CACNA2D1: variants seen among roughly 807,000 people sequenced by gnomAD.
CACNA2D1 encodes the protein voltage-dependent calcium channel subunit alpha-2/delta-1.
A neutral mutation model predicts 171.5 loss-of-function variants in CACNA2D1; 53 were observed. The ratio of observed to expected loss-of-function variants is 0.31; its 90% confidence interval spans 0.25 to 0.39. The LOEUF (loss-of-function observed/expected upper bound fraction) is 0.39, where lower values mean the gene tolerates loss of function less well. CACNA2D1 is among the 10% of genes least tolerant of loss of function. CACNA2D1 has a pLI of 1.00. For missense variants in CACNA2D1, 903 were observed against 1,299.8 expected, an observed-to-expected ratio of 0.69 and a Z score of 4.69; for synonymous variants, 442 against 443.1, an observed-to-expected ratio of 1.00 and a Z score of 0.03.
intron 1 of CACNA2D1, among the ~76,000 whole-genome samples, chr7:82,415,126 G>C (rs918688496): frequency 6.6e-6 from 1 of 152,156 alleles, no homozygotes; most frequent in Non-Finnish European, 1.5e-5. Context: ...ACCTGGAGCA[G>C]ATCCCCTGTG....
At chr7:82,206,848 A>G (rs1357273161) in intron 3 of CACNA2D1, among the ~76,000 whole-genome samples, 1 of 152,188 alleles carries the variant, frequency 6.6e-6, no homozygotes, top group Non-Finnish European at 1.5e-5. Context: ...ACAATAATGA[A>G]ACTTATGTAT....
At chr7:82,132,418 A>C (rs549494174) in intron 5 of CACNA2D1, among the ~76,000 whole-genome samples, 2 of 152,296 alleles carry the variant, frequency 1.3e-5, no homozygotes, top group African/African-American at 4.8e-5. Context: ...GGTTGGGAGG[A>C]AAAGTACTCC....
At position 82,443,228 on chromosome 7, in the gene CACNA2D1, G is replaced by A. The variant is rs143457262; in HGVS notation, c.95+137C>T. The A allele has an allele frequency of 0.011, 8,723 of 762,560 alleles. 80 individuals are homozygous for A. The highest frequency in any genetic ancestry group is 0.025 in the Middle Eastern group (63 of 2,512). 47.2% of individuals were successfully genotyped at this position (762,560 alleles called of 1,614,324 possible). On this transcript the variant is annotated intron_variant, in intron 1 of 38. Coordinates refer to ENST00000356860, the MANE Select transcript of CACNA2D1 (RefSeq NM_000722.4). ...CGCGCACCGCCTGCCCGGCGTCTCC[G>A]CATCCGAGCCTGGCTCCCCGGCCGC...
At chr7:82,124,528 G>C (rs1312273774) in intron 5 of CACNA2D1, among the ~76,000 whole-genome samples, 1 of 152,060 alleles carries the variant, frequency 6.6e-6, no homozygotes, top group Non-Finnish European at 1.5e-5. Flanking sequence ...CCTCTGATTG[G>C]TCACTTTCTG....
At chr7:82,257,766 A>G (rs2129326286) in intron 3 of CACNA2D1, among the ~76,000 whole-genome samples, 1 of 152,340 alleles carries the variant, frequency 6.6e-6, no homozygotes, top group South Asian at 2.1e-4. Context: ...GGTGTAAGAA[A>G]TTTGAAAATC....
intron 1 of CACNA2D1, among the ~76,000 whole-genome samples, chr7:82,393,886 T>C (rs910136814): frequency 3.3e-5 from 5 of 152,200 alleles, no homozygotes; most frequent in African/African-American, 9.6e-5. Context: ...AGACACCTCA[T>C]AGACTTCTAG....
At chr7:82,417,779 CT>C (rs1256942147) in intron 1 of CACNA2D1, among the ~76,000 whole-genome samples, 3 of 152,118 alleles carry the variant, frequency 2.0e-5, no homozygotes, top group African/African-American at 7.2e-5. Flanking sequence ...GGCAAAGATC[CT>C]TCTGCCCATT....
At chr7:82,170,251 C>T (rs1355741244) in intron 4 of CACNA2D1, among the ~76,000 whole-genome samples, 2 of 151,440 alleles carry the variant, frequency 1.3e-5, no homozygotes, top group Admixed American at 6.6e-5. Flanking sequence ...AAATTTAATG[C>T]TATTTTTAAT....
At chr7:82,014,608 C>T (rs1800198901) in intron 12 of CACNA2D1, 129 bp from the exon 13 acceptor site, 1 of 665,448 alleles carries the variant, frequency 1.5e-6, no homozygotes, top group Non-Finnish European at 2.7e-6. Context: ...AAAACTGAGG[C>T]CAGTAAAGCC....
chr7:81,988,316 C>G (rs536611305), intron 21 of CACNA2D1, among the ~76,000 whole-genome samples: 3 of 152,068 alleles, frequency 2.0e-5, no homozygotes, highest in Non-Finnish European at 4.4e-5. Flanking sequence ...AAAAGAGTAA[C>G]TTGTGTATAC....
At chr7:82,146,983 C>CAAAAAAAAAAAAAAA (rs764990586) in intron 4 of CACNA2D1, among the ~76,000 whole-genome samples, 2 of 25,476 alleles carry the variant, frequency 7.9e-5, no homozygotes, top group Non-Finnish European at 1.2e-4. Flanking sequence ...ACTCCCATCT[C>CAAAAAAAAAAAAAAA]AAAAAAAAAA....
intron 10 of CACNA2D1, among the ~76,000 whole-genome samples, chr7:82,046,348 A>C (rs1409464416): frequency 6.6e-6 from 1 of 152,156 alleles, no homozygotes; most frequent in South Asian, 2.1e-4. Context: ...TTCACTAATG[A>C]CACTCATGGA....
chr7:81,993,013 G>A (rs974321824), intron 20 of CACNA2D1, among the ~76,000 whole-genome samples: 1 of 152,016 alleles, frequency 6.6e-6, no homozygotes, highest in Admixed American at 6.6e-5. Flanking sequence ...AAGTTGAAAA[G>A]TTCTAATTCT....
intron 12 of CACNA2D1, chr7:82,021,212 A>G (rs1801168158): frequency 6.6e-6 from 1 of 152,152 alleles, no homozygotes; most frequent in East Asian, 1.9e-4. Context: ...AGAGGTCAGA[A>G]TATAAGCTGT....
intron 5 of CACNA2D1, among the ~76,000 whole-genome samples, chr7:82,119,236 G>T (rs1188953948): frequency 1.3e-5 from 2 of 152,070 alleles, no homozygotes; most frequent in Non-Finnish European, 2.9e-5. Context: ...GAAGTCTACA[G>T]ACCACCATAT....
intron 3 of CACNA2D1, among the ~76,000 whole-genome samples, chr7:82,232,588 G>A (rs753650997): frequency 1.6e-4 from 25 of 151,978 alleles, no homozygotes; most frequent in Admixed American, 2.6e-4. Context: ...TTGGTTGGCC[G>A]GGTGCAGTGG....
chr7:81,975,295 G>C (rs190834868), intron 24 of CACNA2D1, among the ~76,000 whole-genome samples: 1 of 152,100 alleles, frequency 6.6e-6, no homozygotes, highest in Admixed American at 6.6e-5. Flanking sequence ...AAATCTTAAA[G>C]TTCATTACAT....
chr7:82,082,670 C>T (rs950217596), intron 7 of CACNA2D1, among the ~76,000 whole-genome samples: 2 of 150,870 alleles, frequency 1.3e-5, no homozygotes, highest in African/African-American at 2.4e-5. Flanking sequence ...GGCTTTAAAC[C>T]GTCTTCTGCT....
intron 3 of CACNA2D1, among the ~76,000 whole-genome samples, chr7:82,298,568 G>A (rs1272749965): frequency 1.3e-5 from 2 of 149,740 alleles, no homozygotes; most frequent in Non-Finnish European, 3.0e-5. Flanking sequence ...TAAAAAGAGT[G>A]CAAATGTCTT....
Sources: gnomAD v4.1 joint callset for allele counts (sites outside exome capture counted in the v4.1 genomes callset) on GRCh38, gnomAD v4.1.1 for gene constraint, MANE v1.5 for transcripts, NCBI Gene and HGNC (gene_info 2026-07-23, HGNC 2026-07-21) for gene names.